AJAP1: variants seen among roughly 807,000 people sequenced by gnomAD.
AJAP1 encodes adherens junction-associated protein 1.
AJAP1 carries 5 observed loss-of-function variants against 35.0 expected under a neutral mutation model. That is an observed-to-expected ratio of 0.14 (90% CI 0.07 to 0.30). AJAP1 has a LOEUF of 0.30. Among genes scored for constraint, AJAP1 ranks in the 10% least tolerant of loss-of-function variants. The pLI, the probability that AJAP1 is intolerant of heterozygous loss-of-function variation, is 1.00. For missense variants in AJAP1, 586 were observed against 571.0 expected, an observed-to-expected ratio of 1.03 and a Z score of -0.27; for synonymous variants, 284 against 249.3, an observed-to-expected ratio of 1.14 and a Z score of -1.31.
At chr1:4,762,006 T>C (rs998696413) in intron 2 of AJAP1, among the ~76,000 whole-genome samples, 4 of 152,198 alleles carry the variant, frequency 2.6e-5, no homozygotes, top group Non-Finnish European at 4.4e-5. Flanking sequence ...GACTTGACAC[T>C]TAATATTAAC....
chr1:4,747,570 A>G (rs1212688648), intron 2 of AJAP1, among the ~76,000 whole-genome samples: 1 of 151,920 alleles, frequency 6.6e-6, no homozygotes, highest in African/African-American at 2.4e-5. Context: ...GCCCCATTCT[A>G]CCTGACGTGC....
chr1:4,733,589 C>T (rs563828300), intron 2 of AJAP1, among the ~76,000 whole-genome samples: 1 of 151,698 alleles, frequency 6.6e-6, no homozygotes, highest in East Asian at 1.9e-4. Context: ...TCTTCCTGTC[C>T]TCAGAGGCCC....
rs1226755179 is a variant in AJAP1 at position 4,787,708 on chromosome 1, T to C, written c.*5223T>C. On this transcript the variant is annotated 3_prime_UTR_variant, in exon 6 of 6. Coordinates refer to ENST00000378191, the MANE Select transcript of AJAP1 (RefSeq NM_018836.4). ...TCCCATGTTGGTCCCATCTGTCAGG[T>C]TGCCAGGCCAAGCAGGTCTCAGGTC... is the stretch of plus-strand genomic sequence containing the variant. 2.2e-6 allele frequency: 1 copy of C among 455,936 alleles called. No homozygotes were observed. The highest frequency in any genetic ancestry group is 4.4e-6 in the Non-Finnish European group (1 of 226,906). The allele number at this position is 455,936 out of a possible 1,614,324, so 28.2% of individuals were successfully genotyped here. A position where few individuals can be genotyped will look rare whatever the true frequency, so the allele number is the denominator to read the frequency against.
At chr1:4,725,966 A>T (rs1339446417) in intron 2 of AJAP1, among the ~76,000 whole-genome samples, 1 of 152,232 alleles carries the variant, frequency 6.6e-6, no homozygotes, top group Admixed American at 6.5e-5. Flanking sequence ...GAGCTTCAAC[A>T]TGCAAATTTT....
chr1:4,695,181 G>C (rs1639830067), intron 1 of AJAP1, among the ~76,000 whole-genome samples: 1 of 152,168 alleles, frequency 6.6e-6, no homozygotes, highest in Admixed American at 6.5e-5. Flanking sequence ...GGGACTGAGA[G>C]AGAGCTCCTG....
chr1:4,688,552 C>T (rs1639660268), intron 1 of AJAP1, among the ~76,000 whole-genome samples: 1 of 152,010 alleles, frequency 6.6e-6, no homozygotes, highest in South Asian at 2.1e-4. Context: ...GCAGGCGGAT[C>T]ACCTAAGGTC....
chr1:4,752,170 G>GGAGGAGGAGGGAGGAGAGA (rs1641334091), intron 2 of AJAP1, among the ~76,000 whole-genome samples: 1 of 151,340 alleles, frequency 6.6e-6, no homozygotes, highest in Non-Finnish European at 1.5e-5. Context: ...AGGGAGGAGA[G>GGAGGAGGAGGGAGGAGAGA]GAGGAGGAGG....
chr1:4,718,252 A>G (rs866236202), intron 2 of AJAP1, among the ~76,000 whole-genome samples: 18 of 152,224 alleles, frequency 1.2e-4, no homozygotes, highest in African/African-American at 4.3e-4. Context: ...TACCAAATGG[A>G]TAAGTGTGCT....
intron 2 of AJAP1, among the ~76,000 whole-genome samples, chr1:4,760,239 G>A (rs1010877612): frequency 3.3e-5 from 2 of 61,500 alleles, no homozygotes; most frequent in South Asian, 4.4e-4. Flanking sequence ...GTGTGAGCAT[G>A]TGTATGAGTG....
chr1:4,684,314 G>A (rs907641038), intron 1 of AJAP1, among the ~76,000 whole-genome samples: 4 of 152,124 alleles, frequency 2.6e-5, no homozygotes, highest in African/African-American at 9.7e-5. Flanking sequence ...AAGAGTTCAC[G>A]GGGCAGGCGG....
intron 1 of AJAP1, among the ~76,000 whole-genome samples, chr1:4,673,533 G>A (rs537126355): frequency 1.7e-4 from 26 of 152,308 alleles, no homozygotes; most frequent in African/African-American, 3.6e-4. Flanking sequence ...CTGGGGACCC[G>A]GTATGGTGCC....
intron 1 of AJAP1, among the ~76,000 whole-genome samples, chr1:4,682,922 G>A (rs575114363): frequency 6.6e-6 from 1 of 152,254 alleles, no homozygotes; most frequent in East Asian, 1.9e-4. Flanking sequence ...GGTGATGATG[G>A]TGATAATGAG....
intron 1 of AJAP1, among the ~76,000 whole-genome samples, chr1:4,665,629 C>T (rs1387918149): frequency 3.9e-5 from 6 of 152,210 alleles, no homozygotes; most frequent in Admixed American, 2.0e-4. Context: ...AGTGGTCCCC[C>T]GAGAGTCTGC....
In AJAP1 at chr1:4,723,578, G is replaced by A. The variant is rs1640575315; in HGVS notation, c.829+10879G>A. ...CGGAGCTCCCAGAGACATGAAAGAG[G>A]CCACTTTTGTGAGGTGGAGGCTGCT... On this transcript the variant is annotated intron_variant, in intron 2 of 5. Coordinates refer to ENST00000378191, the MANE Select transcript of AJAP1 (RefSeq NM_018836.4). This position sits in a 1 kb window ranked among gnomAD's most constrained non-coding sequence, Gnocchi z 4.3. 6.6e-6 allele frequency among the ~76,000 whole-genome samples: 1 copy of A among 152,136 alleles called. No homozygotes were observed. Among genetic ancestry groups the A allele is most frequent in the African/African-American group, 2.4e-5 (1 of 41,436 alleles).
chr1:4,726,981 C>G (rs1166715062), intron 2 of AJAP1, among the ~76,000 whole-genome samples: 1 of 152,202 alleles, frequency 6.6e-6, no homozygotes, highest in Admixed American at 6.5e-5. Flanking sequence ...CTGGGGGATG[C>G]GGATCCCTGT....
At chr1:4,725,964 A>G (rs974671689) in intron 2 of AJAP1, among the ~76,000 whole-genome samples, 1 of 152,216 alleles carries the variant, frequency 6.6e-6, no homozygotes, top group African/African-American at 2.4e-5. Flanking sequence ...TGGAGCTTCA[A>G]CATGCAAATT....
intron 1 of AJAP1, among the ~76,000 whole-genome samples, chr1:4,691,991 G>A (rs1224317550): frequency 5.3e-5 from 8 of 151,904 alleles, no homozygotes; most frequent in African/African-American, 1.7e-4. Flanking sequence ...GGGTGGGGAC[G>A]GGGTTGGAGG....
At chr1:4,776,559 G>T (rs559864462) in intron 5 of AJAP1, among the ~76,000 whole-genome samples, 166 of 152,222 alleles carry the variant, frequency 1.1e-3, no homozygotes, top group African/African-American at 3.8e-3. Context: ...AAAATAAAAA[G>T]ATAAAATAGG....
chr1:4,744,214 G>A (rs1557636294), intron 2 of AJAP1, among the ~76,000 whole-genome samples: 1 of 152,230 alleles, frequency 6.6e-6, no homozygotes, highest in East Asian at 1.9e-4. Flanking sequence ...ACCACATGTT[G>A]ATGGCAGGCG....
Sources: gnomAD v4.1 joint callset for allele counts (sites outside exome capture counted in the v4.1 genomes callset) on GRCh38, gnomAD v4.1.1 for gene constraint, Gnocchi (gnomAD v3.1) non-coding constraint, MANE v1.5 for transcripts, NCBI Gene and HGNC (gene_info 2026-07-23, HGNC 2026-07-21) for gene names.